ICE2: variants seen among roughly 807,000 people sequenced by gnomAD.
The protein encoded by ICE2 is little elongation complex subunit 2.
A neutral mutation model predicts 105.4 loss-of-function variants in ICE2; 87 were observed. The observed-to-expected ratio is 0.83, with a 90% CI of 0.69 to 0.99. ICE2 has a LOEUF of 0.99. Among genes scored for constraint, ICE2 ranks in the 50% least tolerant of loss-of-function variants. The pLI is 0.00. For missense variants in ICE2, 1,323 were observed against 1,146.7 expected (o/e 1.15, Z -2.22); for synonymous variants, 399 against 392.0 (o/e 1.02, Z -0.21).
chr15:60,451,561 A>G (rs2063966911), intron 9 of ICE2: 1 of 982,280 alleles, frequency 1.0e-6, no homozygotes, highest in African/African-American at 1.7e-5. Flanking sequence ...GACATTAAGA[A>G]GTATAATAAT....
In ICE2 at chr15:60,422,738, A is replaced by G. The variant is rs562515965; in HGVS notation, c.*896T>C. ...CCTGTAGTCCCAGCTACTCGGGAGG[A>G]TGAGGCAGGAGAATCGCTTTAATCC... On this transcript the variant is annotated 3_prime_UTR_variant, in exon 16 of 16. Coordinates refer to ENST00000261520, the MANE Select transcript of ICE2 (RefSeq NM_024611.6). 6.6e-6 allele frequency: 1 copy of G among 151,896 alleles called. No individual in the cohort carries two copies. The highest frequency in any genetic ancestry group is 6.6e-5 in the Admixed American group (1 of 15,212). The allele number at this position is 151,896 out of a possible 1,614,324, so 9.4% of individuals were successfully genotyped here.
intron 3 of ICE2, among the ~76,000 whole-genome samples, chr15:60,468,845 T>C (rs2064502532): frequency 6.6e-6 from 1 of 152,232 alleles, no homozygotes; most frequent in Non-Finnish European, 1.5e-5. Context: ...TTATGCACCA[T>C]ATTTTTTGAA....
At chr15:60,426,802 TGA>T (rs556445970) in intron 15 of ICE2, among the ~76,000 whole-genome samples, 3 of 152,192 alleles carry the variant, frequency 2.0e-5, no homozygotes, top group Non-Finnish European at 4.4e-5. Flanking sequence ...ATGTTATAGG[TGA>T]GAGACTATAA....
At chr15:60,437,364 C>T (rs2063617731) in intron 12 of ICE2, among the ~76,000 whole-genome samples, 1 of 151,358 alleles carries the variant, frequency 6.6e-6, no homozygotes, top group African/African-American at 2.4e-5. Flanking sequence ...GACAAAGTTT[C>T]GCTCTTGTTG....
chr15:60,476,395 T>C (rs2064763694), intron 2 of ICE2, among the ~76,000 whole-genome samples: 1 of 152,222 alleles, frequency 6.6e-6, no homozygotes, highest in East Asian at 1.9e-4. Context: ...CCAGCTCCAA[T>C]AATCAGCTCT....
intron 15 of ICE2, 118 bp downstream of exon 15, chr15:60,428,311 T>C: frequency 8.8e-7 from 1 of 1,132,324 alleles, no homozygotes; most frequent in Non-Finnish European, 1.3e-6. Flanking sequence ...ATATAGCTTT[T>C]AGAATGGTGC....
chr15:60,428,056 G>A (rs1024314341), intron 15 of ICE2, among the ~76,000 whole-genome samples: 2 of 151,802 alleles, frequency 1.3e-5, no homozygotes, highest in Admixed American at 6.6e-5. Context: ...GTACTCTTCC[G>A]CAAATTGCCT....
intron 12 of ICE2, chr15:60,440,575 T>A (rs1351524103): frequency 6.6e-6 from 1 of 152,018 alleles, no homozygotes; most frequent in East Asian, 1.9e-4. Flanking sequence ...CAAAGTGTGG[T>A]CCCTAAACTA....
rs141541124 is a variant in ICE2 at position 60,449,735 on chromosome 15, G to C, written c.1232C>G (p.Thr411Ser). 2.5e-6 allele frequency: 4 copies of C among 1,614,094 alleles called. No homozygotes were observed. In the South Asian group the frequency reaches 3.3e-5, roughly 13 times the overall value. Residue 411 changes from threonine (T) to serine (S), a missense_variant, in exon 10 of 16, where the codon ACC becomes AGC. Physicochemically the swap from Thr to Ser is moderately conservative, Grantham distance 58. Coordinates refer to ENST00000261520, the MANE Select transcript of ICE2 (RefSeq NM_024611.6). ...TGGACTTGGTGATTTTGATACTTTG[G>C]TGGTGGTTACTCCAAAAGTTTCAAG... ...TELETFGVTTTKVSKSPSPAS... is the reference protein window; with the variant it reads ...TELETFGVTTSKVSKSPSPAS...
rs527981649 is a variant in ICE2 at position 60,473,288 on chromosome 15, G to A, written c.146+2775C>T. 3.9e-5 allele frequency among the ~76,000 whole-genome samples: 6 copies of A among 151,984 alleles called. No homozygotes were observed. The South Asian group carries it at 1.0e-3, about 26-fold the overall frequency. On this transcript the variant is annotated intron_variant, in intron 3 of 15. Transcript: ENST00000261520. ...TGTGAGTGAGTGAGTGAGAGAGAGAGACACACACACAGAGACAGAGACAGA... is the reference window on the plus strand; with the variant it reads ...TGTGAGTGAGTGAGTGAGAGAGAGAAACACACACACAGAGACAGAGACAGA...
In ICE2 at chr15:60,422,716, G is replaced by A. The variant is rs1275872903; in HGVS notation, c.*918C>T. Reference sequence around the variant, plus strand: ...TAGCCAAGCCTGGTGGTAGGTGCCTGTAGTCCCAGCTACTCGGGAGGATGA... The same window carrying A: ...TAGCCAAGCCTGGTGGTAGGTGCCTATAGTCCCAGCTACTCGGGAGGATGA... On this transcript the variant is annotated 3_prime_UTR_variant, in exon 16 of 16. Coordinates refer to ENST00000261520, the MANE Select transcript of ICE2 (RefSeq NM_024611.6). 6.6e-6 allele frequency: 1 copy of A among 152,046 alleles called. No homozygotes were observed. The highest frequency in any genetic ancestry group is 2.4e-5 in the African/African-American group (1 of 41,374). 9.4% of individuals were successfully genotyped at this position (152,046 alleles called of 1,614,324 possible).
intron 11 of ICE2, chr15:60,445,371 C>T: frequency 5.7e-6 from 1 of 174,544 alleles, no homozygotes; most frequent in Non-Finnish European, 1.1e-5. Flanking sequence ...TTACTCGGTG[C>T]CGATTTACTG....
In ICE2 at chr15:60,423,302, G is replaced by A; in HGVS notation, c.*332C>T. ...CAATATAACTAACACAATACATAAC[G>A]ATAAGTGTTGTTCTTGATAAAAAAC... On this transcript the variant is annotated 3_prime_UTR_variant, in exon 16 of 16. Coordinates refer to ENST00000261520, the MANE Select transcript of ICE2 (RefSeq NM_024611.6). 5.8e-6 allele frequency: 1 copy of A among 173,750 alleles called. No homozygotes were observed. Among genetic ancestry groups the A allele is most frequent in the Non-Finnish European group, 1.2e-5 (1 of 81,388 alleles). 10.8% of individuals were successfully genotyped at this position (173,750 alleles called of 1,614,324 possible). A position where few individuals can be genotyped will look rare whatever the true frequency, so the allele number is the denominator to read the frequency against.
chr15:60,438,782 A>G (rs1212513542), intron 12 of ICE2: 1 of 152,136 alleles, frequency 6.6e-6, no homozygotes, highest in East Asian at 1.9e-4. Context: ...CTCAAATAAG[A>G]TATATATGTG....
intron 11 of ICE2, among the ~76,000 whole-genome samples, chr15:60,445,244 G>C (rs1405370847): frequency 6.6e-6 from 1 of 152,142 alleles, no homozygotes; most frequent in Non-Finnish European, 1.5e-5. Flanking sequence ...ACTAATGGGG[G>C]ATGTAATTTT....
chr15:60,455,834 T>C (rs1002430885), intron 6 of ICE2, among the ~76,000 whole-genome samples: 31 of 152,050 alleles, frequency 2.0e-4, no homozygotes, highest in Non-Finnish European at 3.7e-4. Flanking sequence ...GCCAGGCTGG[T>C]CTCAAACTCC....
intron 8 of ICE2, among the ~76,000 whole-genome samples, chr15:60,454,148 AATAGAC>A (rs980948059): frequency 6.6e-6 from 1 of 152,216 alleles, no homozygotes. Context: ...GTTTTGTTTC[AATAGAC>A]ATAGTCTTTC....
intron 6 of ICE2, 51 bp downstream of exon 6, chr15:60,456,606 C>G: frequency 1.1e-6 from 1 of 898,410 alleles, no homozygotes; most frequent in Non-Finnish European, 1.6e-6. Flanking sequence ...CACACACACA[C>G]ACACTATTTC....
chr15:60,465,180 TAC>T (rs1164678840), intron 5 of ICE2, among the ~76,000 whole-genome samples: 3 of 152,138 alleles, frequency 2.0e-5, no homozygotes, highest in Non-Finnish European at 4.4e-5. Context: ...AATTCTTCCT[TAC>T]AGTGTTTTTT....
Sources: gnomAD v4.1 joint callset for allele counts (sites outside exome capture counted in the v4.1 genomes callset) on GRCh38, gnomAD v4.1.1 for gene constraint, MANE v1.5 for transcripts, NCBI Gene and HGNC (gene_info 2026-07-23, HGNC 2026-07-21) for gene names.